Variants in DISP3 observed in about 807,000 individuals in gnomAD.
The protein encoded by DISP3 is protein dispatched homolog 3.
DISP3 carries 101 observed loss-of-function variants against 135.3 expected under a neutral mutation model. The ratio of observed to expected loss-of-function variants is 0.75; its 90% CI spans 0.64 to 0.88. DISP3 has a LOEUF of 0.88. Ranked by LOEUF, DISP3 falls within the 40% of genes least tolerant of loss-of-function variation. DISP3 has a pLI of 0.00. For missense variants in DISP3, 1,713 were observed against 1,878.6 expected, an observed-to-expected ratio of 0.91 and a Z score of 1.63; for synonymous variants, 856 against 817.0, an observed-to-expected ratio of 1.05 and a Z score of -0.81.
At chr1:11,522,638 GAGCCCAGCCAGGGCCCAGCCA>G (rs1642246381) in intron 10 of DISP3, among the ~76,000 whole-genome samples, 44 of 129,198 alleles carry the variant, frequency 3.4e-4, no homozygotes, top group South Asian at 7.2e-4. Context: ...AGCCCAGCCA[GAGCCCAGCCAGGGCCCAGCCA>G]GAGCCCAGCC....
chr1:11,529,958 C>T lies in DISP3; in HGVS notation c.3101C>T (p.Pro1034Leu), dbSNP rs754247767. The T allele has an allele frequency of 8.7e-6, 14 of 1,611,752 alleles. No individual in the cohort carries two copies. The highest frequency in any genetic ancestry group is 5.5e-5 in the South Asian group (5 of 91,046). The change falls in exon 15 of 21, where the codon CCG (proline) becomes CTG (leucine). Residue 1034 changes from proline to leucine, a missense_variant and splice_region_variant. Pro to Leu is a moderately conservative substitution (Grantham distance 98). Around this residue, in one of 2 missense-constraint regions of DISP3, gnomAD observed 1,142 missense variants for 1,384.6 expected, o/e 0.82. Transcript: ENST00000294484. The surrounding 1 kb of genome is among the most constrained non-coding windows in gnomAD (Gnocchi z 4.7). ...GTGGACAACCACGTCATTGGAGACC[C>T]GGTACGGGGCATGCGTCGGGCAGAT... ...RQVDNHVIGD[P>L]GSVVYDSSFD...
At chr1:11,535,384 A>G (rs1642681351) in intron 19 of DISP3, 94 bp from the exon 20 acceptor site, 1 of 1,480,084 alleles carries the variant, frequency 6.8e-7, no homozygotes, top group Non-Finnish European at 9.0e-7. Context: ...TTCTCCTGTC[A>G]CCTGAGGGTG....
chr1:11,534,853 C>T lies in DISP3; in HGVS notation c.3536-158C>T, dbSNP rs1254427205. 9 of 817,592 alleles carry T rather than the reference C, an allele frequency of 1.1e-5. No homozygotes were observed. The South Asian group carries it at 1.3e-4, about 12-fold the overall frequency. 50.6% of individuals were successfully genotyped at this position (817,592 alleles called of 1,614,324 possible). On this transcript the variant is annotated intron_variant, in intron 18 of 20. Transcript: ENST00000294484. ...GGGCTGAGGGCCTGACCTGTGTTCTCTTCAACTCCAAACAAGGCCGGTAGG... is the reference window on the plus strand; with the variant it reads ...GGGCTGAGGGCCTGACCTGTGTTCTTTTCAACTCCAAACAAGGCCGGTAGG...
rs759114413 is a variant in DISP3 at position 11,534,399 on chromosome 1, T to G, written c.3394T>G (p.Ser1132Ala). The G allele has an allele frequency of 3.1e-6, 5 of 1,614,044 alleles. No individual in the cohort carries two copies. The highest frequency in any genetic ancestry group is 1.3e-5 in the African/African-American group (1 of 74,938). Residue 1132 changes from serine (S) to alanine (A), a missense_variant, in exon 18 of 21, where the codon TCC (serine) becomes GCC (alanine). Physicochemically the swap from Ser to Ala is moderately conservative, Grantham distance 99. Transcript: ENST00000294484. ...CCCACAGACCACGTACAAGGGCAAATCCTCCTTCCAGACCTACTCGGACTA... is the reference window on the plus strand; with the variant it reads ...CCCACAGACCACGTACAAGGGCAAAGCCTCCTTCCAGACCTACTCGGACTA... Reference protein sequence around the residue: ...AFESTTYKGKSSFQTYSDYLR... With the variant: ...AFESTTYKGKASFQTYSDYLR...
rs753950158 is a variant in DISP3 at position 11,526,850 on chromosome 1, C to T, written c.2798+15C>T. 4.4e-5 allele frequency: 70 copies of T among 1,589,200 alleles called. No individual in the cohort carries two copies. In the East Asian group the frequency reaches 1.2e-3, roughly 28 times the overall value. ...CAGCACACCCGGTAACAGAGCCTGGCAGACAAGCCGGTGCCCATCAGCCCG... is the reference window on the plus strand; with the variant it reads ...CAGCACACCCGGTAACAGAGCCTGGTAGACAAGCCGGTGCCCATCAGCCCG... On this transcript the variant is annotated intron_variant, in intron 13 of 20. Transcript: ENST00000294484.
chr1:11,496,701 T>C (rs1032636185), intron 1 of DISP3, among the ~76,000 whole-genome samples: 2 of 152,210 alleles, frequency 1.3e-5, no homozygotes, highest in Non-Finnish European at 2.9e-5. Flanking sequence ...GCATTCGTGT[T>C]CCACCCTTAC....
At position 11,520,015 on chromosome 1, in the gene DISP3, C is replaced by A; in HGVS notation, c.2200+135C>A. 1 of 819,548 alleles carries A rather than the reference C, an allele frequency of 1.2e-6. No individual in the cohort carries two copies. Among genetic ancestry groups the A allele is most frequent in the Non-Finnish European group, 1.9e-6 (1 of 534,842 alleles). 50.8% of individuals were successfully genotyped at this position (819,548 alleles called of 1,614,324 possible). A position where few individuals can be genotyped will look rare whatever the true frequency, so the allele number is the denominator to read the frequency against. ...CTGGGGTCTCTCCCTCTCTGACCCC[C>A]CCTCTTTCCTGTGCAGAATGAAGCC... On this transcript the variant is annotated intron_variant, in intron 9 of 20. Coordinates refer to ENST00000294484, the MANE Select transcript of DISP3 (RefSeq NM_020780.2). This position sits in a 1 kb window ranked among gnomAD's most constrained non-coding sequence, Gnocchi z 4.8.
At chr1:11,525,600 C>T (rs1460274298) in intron 12 of DISP3, among the ~76,000 whole-genome samples, 1 of 152,200 alleles carries the variant, frequency 6.6e-6, no homozygotes, top group Non-Finnish European at 1.5e-5. Flanking sequence ...TCATCTGTGA[C>T]ATGGGGATGC....
At chr1:11,513,706 T>C (rs2594317) in intron 3 of DISP3, among the ~76,000 whole-genome samples, 3,045 of 152,294 alleles carry the variant, frequency 0.02, 109 homozygotes, top group African/African-American at 0.07. Flanking sequence ...GGGAGTCCAA[T>C]ATCTCATATT....
intron 1 of DISP3, among the ~76,000 whole-genome samples, chr1:11,480,189 G>A (rs934662614): frequency 2.2e-4 from 33 of 152,162 alleles, no homozygotes; most frequent in Admixed American, 5.2e-4. Context: ...CACGGCCGGC[G>A]CCAGCTTCCC....
intron 4 of DISP3, among the ~76,000 whole-genome samples, 199 bp downstream of exon 4, chr1:11,514,725 G>A (rs1319765162): frequency 1.3e-5 from 2 of 152,246 alleles, no homozygotes; most frequent in Non-Finnish European, 1.5e-5. Context: ...GTACCAGCCC[G>A]GGTCACACCC....
At chr1:11,493,427 G>T (rs752924469) in intron 1 of DISP3, among the ~76,000 whole-genome samples, 25 of 152,170 alleles carry the variant, frequency 1.6e-4, no homozygotes, top group Non-Finnish European at 3.1e-4. Flanking sequence ...GTGTACTGAT[G>T]CTGATCTTAT....
rs756648798 is a variant in DISP3, at chr1:11,515,961, C to T, written c.1589-40C>T. 1.4e-5 allele frequency: 23 copies of T among 1,603,182 alleles called. No individual in the cohort carries two copies. The South Asian group carries it at 2.6e-4, about 18-fold the overall frequency. The stretch of plus-strand genomic sequence containing the variant: ...AGGTTGGGCCTAATCCTGGAGACAG[C>T]AGAATAATCCTGAGCCTGGCTGGGG... On this transcript the variant is annotated intron_variant, in intron 5 of 20. Transcript: ENST00000294484.
chr1:11,488,637 CTGTGTGTGTG>C (rs5772457), intron 1 of DISP3, among the ~76,000 whole-genome samples: 3 of 146,328 alleles, frequency 2.1e-5, no homozygotes, highest in East Asian at 4.1e-4. Context: ...GGCAGATGCT[CTGTGTGTGTG>C]TGTGTGTGTG....
chr1:11,506,109 A>G (rs1641699090), intron 3 of DISP3, among the ~76,000 whole-genome samples: 1 of 152,216 alleles, frequency 6.6e-6, no homozygotes, highest in Admixed American at 6.5e-5. Context: ...TCATTTCTGT[A>G]GAAAAGTAGG....
In DISP3 at chr1:11,519,226, G is replaced by T. The variant is rs552982903; in HGVS notation, c.1890-129G>T. 15 of 1,144,722 alleles carry T rather than the reference G, an allele frequency of 1.3e-5. No homozygotes were observed. Among genetic ancestry groups the T allele is most frequent in the South Asian group, 3.0e-5 (2 of 65,870 alleles). 70.9% of individuals were successfully genotyped at this position (1,144,722 alleles called of 1,614,324 possible). On this transcript the variant is annotated intron_variant, in intron 7 of 20. Transcript: ENST00000294484. The surrounding 1 kb of genome is among the most constrained non-coding windows in gnomAD (Gnocchi z 4.3). Reference sequence around the variant, plus strand: ...GGTGACCAGCTCCCAGAAGTCTGGGGTGCTCATCCTGTGTGTGACGTCAGC... The same window carrying T: ...GGTGACCAGCTCCCAGAAGTCTGGGTTGCTCATCCTGTGTGTGACGTCAGC...
Position 11,516,247 on chromosome 1 carries a change from T to C in DISP3, c.1749+86T>C. Reference sequence around the variant, plus strand: ...TGGTCTCTGCCCTTCCCACCACCGCTTGAGTGGCCATATAGCCTTCACCTC... The same window carrying C: ...TGGTCTCTGCCCTTCCCACCACCGCCTGAGTGGCCATATAGCCTTCACCTC... On this transcript the variant is annotated intron_variant, in intron 6 of 20. Transcript: ENST00000294484. The surrounding 1 kb of genome is among the most constrained non-coding windows in gnomAD (Gnocchi z 5.1). 6.7e-7 allele frequency: 1 copy of C among 1,498,340 alleles called. No individual in the cohort carries two copies. The highest frequency in any genetic ancestry group is 9.1e-7 in the Non-Finnish European group (1 of 1,098,638). The allele number at this position is 1,498,340 out of a possible 1,614,324, so 92.8% of individuals were successfully genotyped here.
At chr1:11,494,666 C>T (rs967924052) in intron 1 of DISP3, among the ~76,000 whole-genome samples, 4 of 152,172 alleles carry the variant, frequency 2.6e-5, no homozygotes, top group African/African-American at 9.7e-5. Flanking sequence ...GTAAGAGAAT[C>T]AAAGACCTCA....
At chr1:11,496,995 T>C (rs1014703833) in intron 1 of DISP3, among the ~76,000 whole-genome samples, 6 of 152,160 alleles carry the variant, frequency 3.9e-5, no homozygotes, top group Admixed American at 2.0e-4. Context: ...GCACTTTTCA[T>C]GTTGGGGGCA....
Sources: allele counts gnomAD v4.1 joint callset (sites outside exome capture counted in the v4.1 genomes callset), GRCh38; gene constraint gnomAD v4.1.1; regional missense constraint gnomAD v4.1.1; non-coding constraint Gnocchi (gnomAD v3.1); transcripts MANE v1.5; gene names NCBI Gene and HGNC (gene_info 2026-07-23, HGNC 2026-07-21).